The following TOP1MT variants were observed in gnomAD, a reference collection of about 807,000 sequenced individuals.
The protein encoded by TOP1MT is DNA topoisomerase I mitochondrial, also known as DNA topoisomerase I, mitochondrial.
Under a neutral mutation model 73.9 loss-of-function variants are expected in TOP1MT, and 80 were observed. The ratio of observed to expected loss-of-function variants is 1.08; its 90% CI spans 0.90 to 1.30. The LOEUF is 1.30. Among genes scored for constraint, TOP1MT ranks in the 50% most tolerant of loss-of-function variants. The pLI, the probability that TOP1MT is intolerant of heterozygous loss-of-function variation, is 0.00. For synonymous variants in TOP1MT, 338 were observed against 326.4 expected, an observed-to-expected ratio of 1.04 and a Z score of -0.38; for missense variants, 815 against 808.0, an observed-to-expected ratio of 1.01 and a Z score of -0.10.
chr8:143,351,300 C>T (rs983428544), intron 1 of TOP1MT, among the ~76,000 whole-genome samples: 4 of 152,184 alleles, frequency 2.6e-5, no homozygotes, highest in South Asian at 4.1e-4. Context: ...TGGCCAGGTG[C>T]GGTGGCTCAG....
rs1817093056 is a variant in TOP1MT at position 143,341,935 on chromosome 8, G to A, written c.29+1285C>T. 6.6e-6 allele frequency among the ~76,000 whole-genome samples: 1 copy of A among 150,556 alleles called. No homozygotes were observed. The highest frequency in any genetic ancestry group is 6.6e-5 in the Admixed American group (1 of 15,162). ...TGTTATTATTATTATTATTGAGACAGAGTCTCGCTCTGTTATTATTATTAT... is the reference window on the plus strand; with the variant it reads ...TGTTATTATTATTATTATTGAGACAAAGTCTCGCTCTGTTATTATTATTAT... On this transcript the variant is annotated intron_variant, in intron 2 of 5. Transcript: ENST00000518007. This position sits in a 1 kb window ranked among gnomAD's most constrained non-coding sequence, Gnocchi z 4.1.
chr8:143,354,589 G>A (rs1421578206), intron 1 of TOP1MT, among the ~76,000 whole-genome samples: 1 of 152,138 alleles, frequency 6.6e-6, no homozygotes, highest in Non-Finnish European at 1.5e-5. Flanking sequence ...GTGCATGCCT[G>A]TAATTCCAGC....
At chr8:143,354,327 T>C (rs1817370981) in intron 1 of TOP1MT, among the ~76,000 whole-genome samples, 2 of 152,056 alleles carry the variant, frequency 1.3e-5, no homozygotes, top group South Asian at 4.1e-4. Context: ...GGATTCTGTT[T>C]ACAGGAAATA....
Position 143,317,835 on chromosome 8 carries a change from C to T in TOP1MT, c.1218G>A (p.Thr406=). ...CCTGGAGGTGCTTGTTCAGGCTGGT[C>T]GTCTGGGGAGGAAAATGGTCTCTAT... The part of the protein sequence containing the change: ...PRDDLFDRLT[T]TSLNKHLQEL... The change falls in exon 10 of 14, where the codon ACG becomes ACA. Residue 406 remains threonine (T), a splice_region_variant and synonymous_variant. Coordinates refer to ENST00000329245, the MANE Select transcript of TOP1MT (RefSeq NM_052963.3). 1.9e-6 allele frequency: 3 copies of T among 1,614,042 alleles called. No individual in the cohort carries two copies. The highest frequency in any genetic ancestry group is 1.1e-5 in the South Asian group (1 of 91,056).
upstream of TOP1MT, among the ~76,000 whole-genome samples, chr8:143,356,773 G>A (rs1817415066): frequency 3.7e-5 from 4 of 109,050 alleles, no homozygotes; most frequent in African/African-American, 1.1e-4. Flanking sequence ...GCAACAGAGT[G>A]AGACTCTGTC....
At chr8:143,352,942 A>C (rs1817344838) in intron 1 of TOP1MT, among the ~76,000 whole-genome samples, 1 of 152,244 alleles carries the variant, frequency 6.6e-6, no homozygotes, top group African/African-American at 2.4e-5. Context: ...GGCAAAGCAC[A>C]AACAATCAAA....
rs181131927 is a variant in TOP1MT, at chr8:143,324,992, C to T, written c.671+354G>A. 1.9e-3 allele frequency among the ~76,000 whole-genome samples: 283 copies of T among 152,316 alleles called. 7 individuals are homozygous for T. The highest frequency in any genetic ancestry group is 0.014 in the Admixed American group (219 of 15,308). On this transcript the variant is annotated intron_variant, in intron 5 of 13. Transcript: ENST00000329245. ...TCCACCCTGTGGTCACACAGTACAA[C>T]ATGTGGCCCAGCAGTCCCCTCTCCA...
Position 143,321,406 on chromosome 8 carries a change from C to G in TOP1MT, c.961-20G>C, listed in dbSNP as rs1305856244. 1.9e-6 allele frequency: 3 copies of G among 1,564,376 alleles called. No homozygotes were observed. Among genetic ancestry groups the G allele is most frequent in the Non-Finnish European group, 2.6e-6 (3 of 1,149,512 alleles). On this transcript the variant is annotated intron_variant, in intron 7 of 13. Coordinates refer to ENST00000329245, the MANE Select transcript of TOP1MT (RefSeq NM_052963.3). The stretch of plus-strand genomic sequence containing the variant: ...TGCCAGCTAGTTGGTGGGGAATGGT[C>G]AAAGTGGGTGGTGCGTGCACACGCA...
chr8:143,356,313 T>A (rs1413033519), upstream of TOP1MT, among the ~76,000 whole-genome samples: 1 of 152,120 alleles, frequency 6.6e-6, no homozygotes, highest in African/African-American at 2.4e-5. Context: ...AAGCGTGCAG[T>A]CCCCACACCT....
rs981317665 is a variant in TOP1MT at position 143,326,269 on chromosome 8, C to A, written c.436G>T (p.Val146Leu). 3 of 1,614,034 alleles carry A rather than the reference C, an allele frequency of 1.9e-6. No homozygotes were observed. Among genetic ancestry groups the A allele is most frequent in the Non-Finnish European group, 1.7e-6 (2 of 1,180,034 alleles). Residue 146 changes from valine (V) to leucine (L), a missense_variant, in exon 4 of 14, where the codon GTG becomes TTG. Physicochemically the swap from Val to Leu is conservative, Grantham distance 32. This residue lies in a region of TOP1MT where 751 missense variants were observed against 725.4 expected (regional missense o/e 1.04). Transcript: ENST00000329245. ...ACTTTCCGGGCTGCGGCCTTGTCCACAAAGTATCTGTGGATCTCCGTGAAG... is the reference window on the plus strand; with the variant it reads ...ACTTTCCGGGCTGCGGCCTTGTCCAAAAAGTATCTGTGGATCTCCGTGAAG... ...CDFTEIHRYF[V>L]DKAAARKVLS...
intron 1 of TOP1MT, among the ~76,000 whole-genome samples, chr8:143,354,644 G>A (rs972587832): frequency 5.3e-5 from 8 of 152,160 alleles, no homozygotes; most frequent in East Asian, 3.9e-4. Flanking sequence ...CCTGGGAGGC[G>A]GAGGTTGCGG....
chr8:143,346,060 C>T (rs1025621389), upstream of TOP1MT, among the ~76,000 whole-genome samples: 5 of 152,206 alleles, frequency 3.3e-5, no homozygotes, highest in Non-Finnish European at 5.9e-5. Context: ...TCACTGTCAA[C>T]GAGTACAGTT....
intron 12 of TOP1MT, among the ~76,000 whole-genome samples, chr8:143,311,059 A>G (rs192739402): frequency 7.3e-5 from 11 of 151,524 alleles, no homozygotes; most frequent in African/African-American, 2.7e-4. Flanking sequence ...CCCGGGTTCA[A>G]GTGAATCTCC....
intron 5 of TOP1MT, among the ~76,000 whole-genome samples, chr8:143,325,059 C>T (rs1201778535): frequency 6.6e-6 from 1 of 152,220 alleles, no homozygotes; most frequent in African/African-American, 2.4e-5. Context: ...ACACCTAATG[C>T]TACTGGGCCA....
Position 143,317,720 on chromosome 8 carries a change from C to T in TOP1MT, c.1330+3G>A, listed in dbSNP as rs1004688518. 6.2e-7 allele frequency: 1 copy of T among 1,612,794 alleles called. No homozygotes were observed. The highest frequency in any genetic ancestry group is 1.3e-5 in the African/African-American group (1 of 75,032). ...GCTGAGTGTGGGTGTGGGGCAGGCT[C>T]ACCGCGCGTCAGGGCCCGCAGCTGC... On this transcript the variant is annotated splice_donor_region_variant and intron_variant, in intron 10 of 13. Coordinates refer to ENST00000329245, the MANE Select transcript of TOP1MT (RefSeq NM_052963.3).
chr8:143,333,326 T>G (rs1298488967), intron 1 of TOP1MT, among the ~76,000 whole-genome samples: 1 of 152,124 alleles, frequency 6.6e-6, no homozygotes, highest in African/African-American at 2.4e-5. Context: ...CGGGTGCCTG[T>G]AATCCCAGCT....
At chr8:143,333,163 G>A (rs1157201640) in intron 1 of TOP1MT, among the ~76,000 whole-genome samples, 2 of 152,190 alleles carry the variant, frequency 1.3e-5, no homozygotes, top group Admixed American at 1.3e-4. Flanking sequence ...CTAACTGATA[G>A]GAGCCAGGCG....
In TOP1MT at chr8:143,344,594, C is replaced by G. The variant is rs528033475; in HGVS notation, c.-39+322G>C. The G allele has an allele frequency of 4.6e-5, 7 of 152,630 alleles. No individual in the cohort carries two copies. Among genetic ancestry groups the G allele is most frequent in the African/African-American group, 1.7e-4 (7 of 41,544 alleles). 9.5% of individuals were successfully genotyped at this position (152,630 alleles called of 1,614,324 possible). The stretch of plus-strand genomic sequence containing the variant: ...CCAGGGCTGCTCACTGTGCCACCCG[C>G]CCGCCGCGCAGCACCATTCCCCAGC... On this transcript the variant is annotated intron_variant, in intron 1 of 5. Transcript: ENST00000518007. The surrounding 1 kb of genome is among the most constrained non-coding windows in gnomAD (Gnocchi z 4.6).
chr8:143,334,886 C>A (rs1416606434), upstream of TOP1MT: 2 of 1,441,316 alleles, frequency 1.4e-6, no homozygotes, highest in Admixed American at 6.1e-5. Flanking sequence ...GAAAGAGCGA[C>A]AAGCTGGGCC....
Sources: allele counts gnomAD v4.1 joint callset (sites outside exome capture counted in the v4.1 genomes callset), GRCh38; gene constraint gnomAD v4.1.1; regional missense constraint gnomAD v4.1.1; non-coding constraint Gnocchi (gnomAD v3.1); transcripts MANE v1.5; gene names NCBI Gene and HGNC (gene_info 2026-07-23, HGNC 2026-07-21).